The following TXNRD3 variants were observed in gnomAD, a reference collection of about 807,000 sequenced individuals.
The protein encoded by TXNRD3 is TXNRD3 neighbor gene protein.
A neutral mutation model predicts 78.2 loss-of-function variants in TXNRD3; 68 were observed. The ratio of observed to expected loss-of-function variants is 0.87; its 90% confidence interval spans 0.72 to 1.06. TXNRD3 has a LOEUF of 1.06. Among genes scored for constraint, TXNRD3 ranks in the 50% least tolerant of loss-of-function variants. The pLI, the probability that TXNRD3 is intolerant of heterozygous loss-of-function variation, is 0.00. For missense variants in TXNRD3, 751 were observed against 809.5 expected, an observed-to-expected ratio of 0.93 and a Z score of 0.88; for synonymous variants, 296 against 300.1, an observed-to-expected ratio of 0.99 and a Z score of 0.14.
intron 13 of TXNRD3, among the ~76,000 whole-genome samples, chr3:126,612,320 G>A (rs1034901758): frequency 3.9e-5 from 6 of 152,122 alleles, no homozygotes; most frequent in East Asian, 3.8e-4. Context: ...TTACAGGTGT[G>A]AGCCACCAGC....
chr3:126,625,553 A>G (rs938629317), intron 10 of TXNRD3, among the ~76,000 whole-genome samples: 9 of 151,818 alleles, frequency 5.9e-5, no homozygotes, highest in Non-Finnish European at 1.2e-4. Flanking sequence ...CCAGTCTATC[A>G]TTGTTGGACA....
chr3:126,645,961 G>C, intron 3 of TXNRD3, 150 bp downstream of exon 3: 1 of 586,962 alleles, frequency 1.7e-6, no homozygotes, highest in Non-Finnish European at 2.7e-6. Flanking sequence ...TTCCCTTAAA[G>C]CAATCAGTAT....
intron 1 of TXNRD3, among the ~76,000 whole-genome samples, chr3:126,654,346 C>A (rs978415643): frequency 6.6e-6 from 1 of 152,202 alleles, no homozygotes; most frequent in Non-Finnish European, 1.5e-5. Flanking sequence ...CCCAAAGGCT[C>A]GTTTCTAAGT....
intron 6 of TXNRD3, among the ~76,000 whole-genome samples, chr3:126,639,077 G>A (rs1460194437): frequency 6.6e-6 from 1 of 152,182 alleles, no homozygotes; most frequent in East Asian, 1.9e-4. Flanking sequence ...ACCCTTTACA[G>A]CCTCTTCCCT....
chr3:126,636,774 A>G (rs531591187), intron 6 of TXNRD3, among the ~76,000 whole-genome samples: 1 of 152,322 alleles, frequency 6.6e-6, no homozygotes, highest in South Asian at 2.1e-4. Flanking sequence ...CCTCCAAAAA[A>G]AGGTGGCTTT....
In TXNRD3 at chr3:126,627,400, C is replaced by T. The variant is rs77633549; in HGVS notation, c.1290+1979G>A. Among the ~76,000 whole-genome samples, 778 of 152,094 alleles carry T rather than the reference C, an allele frequency of 5.1e-3. 6 individuals carry two copies. Among genetic ancestry groups the T allele is most frequent in the African/African-American group, 0.018 (731 of 41,466 alleles). On this transcript the variant is annotated intron_variant, in intron 10 of 15. Coordinates refer to ENST00000524230, the MANE Select transcript of TXNRD3 (RefSeq NM_052883.3). ...ATCAGAATAGTGGTTGCTTGGGGGT[C>T]GATGACTGGGAAAAAGCACAGAGCG...
At position 126,615,366 on chromosome 3, in the gene TXNRD3, C is replaced by A; in HGVS notation, c.1621G>T (p.Glu541Ter). The A allele has an allele frequency of 6.8e-7, 1 of 1,462,342 alleles. No homozygotes were observed. The highest frequency in any genetic ancestry group is 9.0e-7 in the Non-Finnish European group (1 of 1,106,912). 90.6% of individuals were successfully genotyped at this position (1,462,342 alleles called of 1,614,324 possible). The change falls in exon 13 of 16, where the codon GAG becomes TAG. Residue 541 changes from glutamate (E) to a stop codon, truncating the protein, a stop_gained. Transcript: ENST00000524230. LOFTEE classifies it high-confidence loss of function. The stretch of plus-strand genomic sequence containing the variant: ...AAACACAATCTTACTTCTAGATTCT[C>A]TTTTTTATATACTTCAATAGCTTTC...
At chr3:126,647,206 AC>A in intron 2 of TXNRD3, 29 bp downstream of exon 2, 1 of 1,487,122 alleles carries the variant, frequency 6.7e-7, no homozygotes, top group African/African-American at 1.4e-5. Flanking sequence ...TTTATTATAA[AC>A]AACACTATGT....
chr3:126,629,780 G>A (rs1938668008), intron 9 of TXNRD3, among the ~76,000 whole-genome samples: 1 of 152,110 alleles, frequency 6.6e-6, no homozygotes, highest in African/African-American at 2.4e-5. Context: ...TACTGAGATG[G>A]GCCAGAAAGA....
chr3:126,619,893 T>C (rs1000404690), intron 12 of TXNRD3, among the ~76,000 whole-genome samples: 3 of 151,744 alleles, frequency 2.0e-5, no homozygotes, highest in African/African-American at 7.3e-5. Context: ...TCATAGAAAA[T>C]AAAAAACAAA....
Position 126,608,512 on chromosome 3 carries a change from G to A in TXNRD3, c.1850C>T (p.Pro617Leu), listed in dbSNP as rs546131864. 24 of 1,534,078 alleles carry A rather than the reference G, an allele frequency of 1.6e-5. No homozygotes were observed. The African/African-American group carries it at 2.5e-4, about 16-fold the overall frequency. Residue 617 changes from proline (P) to leucine (L), a missense_variant, in exon 15 of 16, where the codon CCC (proline) becomes CTC (leucine). Coordinates refer to ENST00000524230, the MANE Select transcript of TXNRD3 (RefSeq NM_052883.3). ...CCTGTTTCCTACCTCCCCACATGTG[G>A]GGTGAATTCCAATGGTGTCATCAAG...
In TXNRD3 at chr3:126,622,522, G is replaced by A. The variant is rs1367586511; in HGVS notation, c.1309C>T (p.Arg437Cys). The A allele has an allele frequency of 8.5e-6, 13 of 1,532,706 alleles. No individual in the cohort carries two copies. Among genetic ancestry groups the A allele is most frequent in the South Asian group, 1.2e-5 (1 of 83,054 alleles). 94.9% of individuals were successfully genotyped at this position (1,532,706 alleles called of 1,614,324 possible). A position where few individuals can be genotyped will look rare whatever the true frequency, so the allele number is the denominator to read the frequency against. The stretch of plus-strand genomic sequence containing the variant: ...CCTATTTTCCTTGTACAGGAGTCAC[G>A]ACCAATAGCTAACAAAACCTGCATT... Residue 437 changes from arginine to cysteine, a missense_variant, in exon 11 of 16, where the codon CGT becomes TGT. Coordinates refer to ENST00000524230, the MANE Select transcript of TXNRD3 (RefSeq NM_052883.3).
rs145293048 is a variant in TXNRD3, at chr3:126,622,974, C to T, written c.1291-434G>A. Among the ~76,000 whole-genome samples, 685 of 152,138 alleles carry T rather than the reference C, an allele frequency of 4.5e-3. 2 individuals carry two copies. Among genetic ancestry groups the T allele is most frequent in the Non-Finnish European group, 7.4e-3 (501 of 67,996 alleles). ...AAGGAGAAGACAGTCATGTACAAGCCTAGGAGAGAGGCCTCAGAAGAAACC... is the reference window on the plus strand; with the variant it reads ...AAGGAGAAGACAGTCATGTACAAGCTTAGGAGAGAGGCCTCAGAAGAAACC... On this transcript the variant is annotated intron_variant, in intron 10 of 15. Coordinates refer to ENST00000524230, the MANE Select transcript of TXNRD3 (RefSeq NM_052883.3).
chr3:126,617,543 C>T (rs1389835453), intron 12 of TXNRD3, among the ~76,000 whole-genome samples: 1 of 152,142 alleles, frequency 6.6e-6, no homozygotes, highest in East Asian at 1.9e-4. Flanking sequence ...CATGGAGAAT[C>T]CGTGCCCAAA....
chr3:126,635,860 T>C (rs976502903), intron 6 of TXNRD3, among the ~76,000 whole-genome samples: 1 of 152,196 alleles, frequency 6.6e-6, no homozygotes, highest in African/African-American at 2.4e-5. Flanking sequence ...ACATCACACA[T>C]ACATATATAT....
rs1378661153 is a variant in TXNRD3 at position 126,640,382 on chromosome 3, C to A, written c.712+1650G>T. Among the ~76,000 whole-genome samples the A allele has an allele frequency of 2.9e-3, 24 of 8,294 alleles. 7 individuals are homozygous for A. The highest frequency in any genetic ancestry group is 0.014 in the Non-Finnish European group (11 of 800). The allele number at this position is 8,294 out of a possible 152,430, so 5.4% of individuals were successfully genotyped here. On this transcript the variant is annotated intron_variant, in intron 6 of 15. Transcript: ENST00000524230. ...TCGGCCTCCCAAAGTGCTGGGATTA[C>A]AGGCGTGAGCCACCGCGCCCGGCCG...
At chr3:126,640,804 C>T (rs1475455280) in intron 6 of TXNRD3, among the ~76,000 whole-genome samples, 2 of 151,450 alleles carry the variant, frequency 1.3e-5, no homozygotes, top group Admixed American at 6.6e-5. Context: ...CCTCTCTTTT[C>T]TAAGTTCCTC....
At chr3:126,637,932 C>CTCTTTTT (rs1444254294) in intron 6 of TXNRD3, among the ~76,000 whole-genome samples, 9 of 60,238 alleles carry the variant, frequency 1.5e-4, no homozygotes, top group Non-Finnish European at 2.0e-4. Flanking sequence ...ATTTCTCTCT[C>CTCTTTTT]TTTTTTTTTT....
At chr3:126,611,273 C>T (rs1938193624) in intron 13 of TXNRD3, 141 bp from the exon 14 acceptor site, 7 of 477,906 alleles carry the variant, frequency 1.5e-5, no homozygotes, top group Non-Finnish European at 2.5e-5. Context: ...CTTTATGTAT[C>T]TGTTGGGAGC....
Sources: gnomAD v4.1 joint callset for allele counts (sites outside exome capture counted in the v4.1 genomes callset) on GRCh38, gnomAD v4.1.1 for gene constraint, MANE v1.5 for transcripts, NCBI Gene and HGNC (gene_info 2026-07-23, HGNC 2026-07-21) for gene names.